NDOR1: variants seen among roughly 807,000 people sequenced by gnomAD.
NDOR1 encodes the protein NADPH-dependent diflavin oxidoreductase 1.
A neutral mutation model predicts 67.2 loss-of-function variants in NDOR1; 61 were observed. The ratio of observed to expected loss-of-function variants is 0.91; its 90% CI spans 0.74 to 1.12. NDOR1 has a LOEUF of 1.12. Among genes scored for constraint, NDOR1 ranks in the 50% most tolerant of loss-of-function variants. The pLI is 0.00. For missense variants in NDOR1, 878 were observed against 802.8 expected (o/e 1.09, Z -1.13); for synonymous variants, 378 against 343.7 (o/e 1.10, Z -1.10).
intron 1 of NDOR1, 116 bp from the exon 2 acceptor site, chr9:137,206,116 C>T: frequency 6.8e-7 from 1 of 1,470,340 alleles, no homozygotes; most frequent in Admixed American, 1.7e-5. Flanking sequence ...GGTCTGGCTG[C>T]TCACATAAAT....
chr9:137,208,143 CAAA>C (rs34327783), intron 2 of NDOR1, among the ~76,000 whole-genome samples: 15 of 57,078 alleles, frequency 2.6e-4, no homozygotes, highest in African/African-American at 2.7e-4. Flanking sequence ...TAGACTCTGT[CAAA>C]AAAAAAAAAA....
rs980397030 is a variant in NDOR1 at position 137,218,490 on chromosome 9, G to A, written c.*2074G>A. ...CGGGAGCGGGGACCCTGTGCCCGCC[G>A]CCTGGCGCTGCTGAGCCTGCTGGCC... is the stretch of plus-strand genomic sequence containing the variant. On this transcript the variant is annotated 3_prime_UTR_variant, in exon 14 of 14. Coordinates refer to ENST00000684003, the MANE Select transcript of NDOR1 (RefSeq NM_014434.4). 10 of 398,148 alleles carry A rather than the reference G, an allele frequency of 2.5e-5. No homozygotes were observed. The highest frequency in any genetic ancestry group is 1.1e-4 in the East Asian group (3 of 28,112). The allele number at this position is 398,148 out of a possible 1,614,324, so 24.7% of individuals were successfully genotyped here. A position where few individuals can be genotyped will look rare whatever the true frequency, so the allele number is the denominator to read the frequency against.
At position 137,215,350 on chromosome 9, in the gene NDOR1, C is replaced by G. The variant is rs1018602374; in HGVS notation, c.1174-57C>G. On this transcript the variant is annotated intron_variant, in intron 9 of 13. Coordinates refer to ENST00000684003, the MANE Select transcript of NDOR1 (RefSeq NM_014434.4). ...GCGGGAGGTAGGTGGGGCCCACGGC[C>G]CAGGCACAGGTGAGGGCAGCCTTGT... 1.9e-6 allele frequency: 3 copies of G among 1,582,274 alleles called. No homozygotes were observed. In the South Asian group the frequency reaches 3.3e-5, roughly 18 times the overall value.
chr9:137,213,721 GC>G, intron 3 of NDOR1, 58 bp from the exon 4 acceptor site: 1 of 1,542,002 alleles, frequency 6.5e-7, no homozygotes, highest in South Asian at 1.2e-5. Context: ...GTTCCACTCT[GC>G]CTGGGCACCA....
rs922870774 is a variant in NDOR1 at position 137,214,281 on chromosome 9, C to G, written c.590C>G (p.Pro197Arg). The G allele has an allele frequency of 6.2e-7, 1 of 1,613,878 alleles. No homozygotes were observed. Among genetic ancestry groups the G allele is most frequent in the African/African-American group, 1.3e-5 (1 of 75,056 alleles). The change falls in exon 6 of 14, where the codon CCC becomes CGC. Residue 197 changes from proline (P) to arginine (R), a missense_variant. By Grantham distance (103) the Pro-to-Arg change is moderately radical. Transcript: ENST00000684003. Reference protein sequence around the residue: ...TGSEGQRVAHPGSQEPPSESK... With the variant: ...TGSEGQRVAHRGSQEPPSESK... ...TCTGAGGGGCAGCGGGTAGCTCACC[C>G]CGGCTCTCAGGAGCCCCCGTCAGAG...
At position 137,215,952 on chromosome 9, in the gene NDOR1, G is replaced by A. The variant is rs774660495; in HGVS notation, c.1489G>A (p.Ala497Thr). The A allele has an allele frequency of 1.4e-5, 22 of 1,613,760 alleles. No homozygotes were observed. The highest frequency in any genetic ancestry group is 1.8e-5 in the Non-Finnish European group (21 of 1,180,010). The change falls in exon 12 of 14, where the codon GCT (alanine) becomes ACT (threonine). Residue 497 changes from alanine to threonine, a missense_variant. Transcript: ENST00000684003. ...RWRDQDFYWE[A>T]EWQELEKRDC... ...GCGGGACCAAGACTTCTACTGGGAG[G>A]CTGAGTGGCAGGAGCTGGAGAAGCG... is the stretch of plus-strand genomic sequence containing the variant.
intron 2 of NDOR1, 78 bp downstream of exon 2, chr9:137,206,387 C>T: frequency 7.2e-7 from 1 of 1,391,082 alleles, no homozygotes; most frequent in East Asian, 2.3e-5. Context: ...CGTCTAGGTG[C>T]AGTAAATAGC....
Position 137,218,027 on chromosome 9 carries a change from AAGG to A in NDOR1, c.*1618_*1620del, listed in dbSNP as rs1835709786. 1.0e-5 allele frequency: 4 copies of A among 399,216 alleles called. No individual in the cohort carries two copies. Among genetic ancestry groups the A allele is most frequent in the South Asian group, 2.5e-4 (2 of 7,872 alleles). 24.7% of individuals were successfully genotyped at this position (399,216 alleles called of 1,614,324 possible). On this transcript the variant is annotated 3_prime_UTR_variant, in exon 14 of 14. Coordinates refer to ENST00000684003, the MANE Select transcript of NDOR1 (RefSeq NM_014434.4). ...GGGTGCCTGGGCCCTTCCAACCTGG[AAGG>A]AGGAGGGGAGAGAGCAGGCAGCAGG...
At position 137,206,218 on chromosome 9, in the gene NDOR1, G is replaced by T; in HGVS notation, c.136-14G>T. On this transcript the variant is annotated splice_polypyrimidine_tract_variant and intron_variant, in intron 1 of 13. Coordinates refer to ENST00000684003, the MANE Select transcript of NDOR1 (RefSeq NM_014434.4). ...ACAGCCGGAGGTCTTACGTGTGTGTGTCTTTTTGTTGAGGTGAATCTGATT... is the reference window on the plus strand; with the variant it reads ...ACAGCCGGAGGTCTTACGTGTGTGTTTCTTTTTGTTGAGGTGAATCTGATT... The T allele has an allele frequency of 6.2e-7, 1 of 1,613,974 alleles. No homozygotes were observed. The highest frequency in any genetic ancestry group is 1.3e-5 in the African/African-American group (1 of 75,032).
Position 137,217,857 on chromosome 9 carries a change from C to A in NDOR1, c.*1441C>A, listed in dbSNP as rs1352770232. ...CACCTGGCCGACTCCAGCTCTGGGCCTGTCAGTCCACCTGGGTCCTCTCTG... is the reference window on the plus strand; with the variant it reads ...CACCTGGCCGACTCCAGCTCTGGGCATGTCAGTCCACCTGGGTCCTCTCTG... On this transcript the variant is annotated 3_prime_UTR_variant, in exon 14 of 14. Coordinates refer to ENST00000684003, the MANE Select transcript of NDOR1 (RefSeq NM_014434.4). The A allele has an allele frequency of 2.5e-5, 10 of 398,142 alleles. No homozygotes were observed. The highest frequency in any genetic ancestry group is 1.6e-4 in the African/African-American group (8 of 48,604). 24.7% of individuals were successfully genotyped at this position (398,142 alleles called of 1,614,324 possible). A position where few individuals can be genotyped will look rare whatever the true frequency, so the allele number is the denominator to read the frequency against.
rs748675923 is a variant in NDOR1 at position 137,215,085 on chromosome 9, C to A, written c.1066-10C>A. 2 of 1,613,722 alleles carry A rather than the reference C, an allele frequency of 1.2e-6. No individual in the cohort carries two copies. Among genetic ancestry groups the A allele is most frequent in the Non-Finnish European group, 1.7e-6 (2 of 1,179,954 alleles). ...CACGCTGCAGCCACCCTGAGACTCT[C>A]TTTGCCTAGGTGCTCTGTGACTTCC... On this transcript the variant is annotated splice_polypyrimidine_tract_variant and intron_variant, in intron 8 of 13. Coordinates refer to ENST00000684003, the MANE Select transcript of NDOR1 (RefSeq NM_014434.4).
chr9:137,218,803 G>A lies in NDOR1; in HGVS notation c.*2387G>A, dbSNP rs1835754191. Reference sequence around the variant, plus strand: ...GAGGCCTGACCCTGCCAGAGTCCATGGCTGCACTGCTGCCCAGACACTAGC... The same window carrying A: ...GAGGCCTGACCCTGCCAGAGTCCATAGCTGCACTGCTGCCCAGACACTAGC... On this transcript the variant is annotated 3_prime_UTR_variant, in exon 14 of 14. Transcript: ENST00000684003. 1 of 396,372 alleles carries A rather than the reference G, an allele frequency of 2.5e-6. No homozygotes were observed. The highest frequency in any genetic ancestry group is 4.4e-6 in the Non-Finnish European group (1 of 225,198). 24.6% of individuals were successfully genotyped at this position (396,372 alleles called of 1,614,324 possible). A position where few individuals can be genotyped will look rare whatever the true frequency, so the allele number is the denominator to read the frequency against.
Position 137,212,804 on chromosome 9 carries a change from G to T in NDOR1, c.311+205G>T, listed in dbSNP as rs1588802628. The T allele has an allele frequency of 2.3e-5, 13 of 571,794 alleles. No individual in the cohort carries two copies. In the East Asian group the frequency reaches 3.5e-4, roughly 15 times the overall value. The allele number at this position is 571,794 out of a possible 1,614,324, so 35.4% of individuals were successfully genotyped here. On this transcript the variant is annotated intron_variant, in intron 3 of 13. Coordinates refer to ENST00000684003, the MANE Select transcript of NDOR1 (RefSeq NM_014434.4). The surrounding 1 kb of genome is among the most constrained non-coding windows in gnomAD (Gnocchi z 4.3). ...GAGGGCACAGAGGGGAGCAGGCAGG[G>T]TGGCAAAGGGCTGGGCTCCAGCCAC...
At chr9:137,211,122 C>T (rs1269700146) in intron 2 of NDOR1, among the ~76,000 whole-genome samples, 2 of 152,198 alleles carry the variant, frequency 1.3e-5, no homozygotes, top group Non-Finnish European at 2.9e-5. Flanking sequence ...GCCTGGGCTA[C>T]AGAGTGAGAC....
intron 2 of NDOR1, among the ~76,000 whole-genome samples, chr9:137,208,733 A>G (rs1588793252): frequency 6.6e-6 from 1 of 151,362 alleles, no homozygotes; most frequent in Non-Finnish European, 1.5e-5. Context: ...CTGAGGCGGG[A>G]GGAGCTCTTG....
At chr9:137,213,742 C>G (rs988018476) in intron 3 of NDOR1, 38 bp from the exon 4 acceptor site, 1 of 1,592,890 alleles carries the variant, frequency 6.3e-7, no homozygotes, top group South Asian at 1.1e-5. Flanking sequence ...ACTCTCCGCC[C>G]GGGCTCCAGC....
chr9:137,217,840 C>T lies in NDOR1; in HGVS notation c.*1424C>T, dbSNP rs755757634. 2.5e-4 allele frequency: 99 copies of T among 398,068 alleles called. No individual in the cohort carries two copies. The highest frequency in any genetic ancestry group is 6.3e-4 in the Middle Eastern group (1 of 1,590). 24.7% of individuals were successfully genotyped at this position (398,068 alleles called of 1,614,324 possible). A position where few individuals can be genotyped will look rare whatever the true frequency, so the allele number is the denominator to read the frequency against. On this transcript the variant is annotated 3_prime_UTR_variant, in exon 14 of 14. Coordinates refer to ENST00000684003, the MANE Select transcript of NDOR1 (RefSeq NM_014434.4). ...CTGGGGCCCCCACCCTCCACCTGGC[C>T]GACTCCAGCTCTGGGCCTGTCAGTC... is the stretch of plus-strand genomic sequence containing the variant.
rs1835614774 is a variant in NDOR1 at position 137,216,506 on chromosome 9, A to C, written c.*90A>C. 1.3e-6 allele frequency: 2 copies of C among 1,485,010 alleles called. No individual in the cohort carries two copies. The highest frequency in any genetic ancestry group is 2.8e-5 in the African/African-American group (2 of 71,584). The allele number at this position is 1,485,010 out of a possible 1,614,324, so 92.0% of individuals were successfully genotyped here. On this transcript the variant is annotated 3_prime_UTR_variant, in exon 14 of 14. Transcript: ENST00000684003. The stretch of plus-strand genomic sequence containing the variant: ...AGGGAGCTCCTGGCCAGCAGCCGTC[A>C]TCCTCTCGGACCAGCCAGCTGGTCC...
At chr9:137,208,134 A>G (rs79850917) in intron 2 of NDOR1, among the ~76,000 whole-genome samples, 20,096 of 130,574 alleles carry the variant, frequency 0.15, 1,630 homozygotes, top group Middle Eastern at 0.29. Flanking sequence ...TGACAGAGCT[A>G]GACTCTGTCA....
Sources: gnomAD v4.1 joint callset for allele counts (sites outside exome capture counted in the v4.1 genomes callset) on GRCh38, gnomAD v4.1.1 for gene constraint, Gnocchi (gnomAD v3.1) non-coding constraint, MANE v1.5 for transcripts, NCBI Gene and HGNC (gene_info 2026-07-23, HGNC 2026-07-21) for gene names.